PIP4K2B: variants seen among roughly 807,000 people sequenced by gnomAD.
PIP4K2B encodes phosphatidylinositol-5-phosphate 4-kinase type 2 beta, also known as phosphatidylinositol 5-phosphate 4-kinase type-2 beta.
PIP4K2B carries 3 observed loss-of-function variants against 42.0 expected under a neutral mutation model. The observed-to-expected ratio is 0.07, with a 90% CI of 0.03 to 0.18. PIP4K2B has a LOEUF of 0.18. PIP4K2B is among the 10% of genes least tolerant of loss of function. The probability of loss-of-function intolerance (pLI) is 1.00; values close to 1 mark genes in which losing one functional copy is unlikely to be tolerated. For synonymous variants in PIP4K2B, 204 were observed against 210.1 expected (o/e 0.97, Z 0.25); for missense variants, 332 against 562.3 (o/e 0.59, Z 4.14).
chr17:38,787,785 A>G (rs1910116176), intron 1 of PIP4K2B, among the ~76,000 whole-genome samples: 1 of 152,030 alleles, frequency 6.6e-6, no homozygotes, highest in Admixed American at 6.6e-5. Flanking sequence ...TTTAGTAGAG[A>G]CAGGGTTTCA....
intron 1 of PIP4K2B, among the ~76,000 whole-genome samples, chr17:38,798,853 C>A (rs1021717809): frequency 6.6e-6 from 1 of 152,234 alleles, no homozygotes; most frequent in Non-Finnish European, 1.5e-5. Context: ...GGGCAGACCA[C>A]TGCTACTTGA....
intron 1 of PIP4K2B, chr17:38,792,881 G>A (rs994501341): frequency 6.6e-6 from 1 of 152,124 alleles, no homozygotes; most frequent in African/African-American, 2.4e-5. Context: ...AGGTGGGAAG[G>A]CCTGCTAAAA....
intron 7 of PIP4K2B, among the ~76,000 whole-genome samples, chr17:38,775,246 C>A (rs368010345): frequency 6.3e-4 from 96 of 152,212 alleles, no homozygotes; most frequent in African/African-American, 2.2e-3. Flanking sequence ...AGCCACCGCG[C>A]CTAGCTTTTG....
chr17:38,788,653 T>G (rs1281131420), intron 1 of PIP4K2B, among the ~76,000 whole-genome samples: 1 of 151,948 alleles, frequency 6.6e-6, no homozygotes, highest in African/African-American at 2.4e-5. Context: ...GGCCAGGAGT[T>G]CTATACCACC....
rs1908890455 is a variant in PIP4K2B at position 38,769,528 on chromosome 17, TAA to T, written c.*161_*162del. On this transcript the variant is annotated 3_prime_UTR_variant, in exon 10 of 10. Coordinates refer to ENST00000619039, the MANE Select transcript of PIP4K2B (RefSeq NM_003559.5). ...ACAGCACATCCCCCTCCTCTTCAGC[TAA>T]AGTCTCTTTCGGTGTCACAGGCTGC... 2 of 670,322 alleles carry T rather than the reference TAA, an allele frequency of 3.0e-6. No homozygotes were observed. The highest frequency in any genetic ancestry group is 2.5e-5 in the East Asian group (1 of 39,678). The allele number at this position is 670,322 out of a possible 1,614,324, so 41.5% of individuals were successfully genotyped here.
chr17:38,783,748 A>AC, intron 3 of PIP4K2B, among the ~76,000 whole-genome samples: 1 of 152,154 alleles, frequency 6.6e-6, no homozygotes, highest in East Asian at 1.9e-4. Flanking sequence ...CTATAGGCGC[A>AC]CATCACCATG....
chr17:38,799,243 A>T lies in PIP4K2B; in HGVS notation c.159+23T>A, dbSNP rs1910824046. On this transcript the variant is annotated intron_variant, in intron 1 of 9. Transcript: ENST00000619039. The surrounding 1 kb of genome is among the most constrained non-coding windows in gnomAD (Gnocchi z 4.4). ...TGGGAGCGCGCGGGGCCGCGCTCAG[A>T]GGGGCGCGCAGGAGCTGGTTACCGT... 6.4e-7 allele frequency: 1 copy of T among 1,571,652 alleles called. No individual in the cohort carries two copies. Among genetic ancestry groups the T allele is most frequent in the Non-Finnish European group, 8.6e-7 (1 of 1,162,090 alleles).
chr17:38,774,417 G>A (rs931984873), intron 7 of PIP4K2B, among the ~76,000 whole-genome samples: 1 of 152,150 alleles, frequency 6.6e-6, no homozygotes, highest in Non-Finnish European at 1.5e-5. Context: ...CTGGGCCTCC[G>A]GCTTGCTGAC....
intron 1 of PIP4K2B, among the ~76,000 whole-genome samples, chr17:38,789,146 C>T (rs987996074): frequency 1.3e-5 from 2 of 152,088 alleles, no homozygotes; most frequent in African/African-American, 4.8e-5. Context: ...TAAAGCAGGG[C>T]CAGTTCCTGA....
intron 8 of PIP4K2B, 113 bp downstream of exon 8, chr17:38,770,901 A>C (rs1908987888): frequency 8.1e-7 from 1 of 1,236,304 alleles, no homozygotes; most frequent in Non-Finnish European, 1.1e-6. Context: ...AAGAGGTCAA[A>C]GGCAGCAATG....
At chr17:38,770,865 AC>A (rs1908986048) in intron 8 of PIP4K2B, 148 bp downstream of exon 8, 2 of 847,808 alleles carry the variant, frequency 2.4e-6, no homozygotes, top group South Asian at 3.5e-5. Flanking sequence ...TCAGGTGGTG[AC>A]CCTGGATGGG....
Position 38,768,015 on chromosome 17 carries a change from T to G in PIP4K2B, c.*1676A>C, listed in dbSNP as rs1908791789. ...ATGCCGTCTCCATTCTTTCCTGACC[T>G]ATATGCTGTGAGTCAGGCACAGAGA... On this transcript the variant is annotated 3_prime_UTR_variant, in exon 10 of 10. Coordinates refer to ENST00000619039, the MANE Select transcript of PIP4K2B (RefSeq NM_003559.5). The G allele has an allele frequency of 6.6e-6, 1 of 152,208 alleles. No homozygotes were observed. The highest frequency in any genetic ancestry group is 2.1e-4 in the South Asian group (1 of 4,832). The allele number at this position is 152,208 out of a possible 1,614,324, so 9.4% of individuals were successfully genotyped here. A position where few individuals can be genotyped will look rare whatever the true frequency, so the allele number is the denominator to read the frequency against.
chr17:38,799,428 CG>C lies in PIP4K2B; in HGVS notation c.-5del. On this transcript the variant is annotated 5_prime_UTR_variant, in exon 1 of 10. Coordinates refer to ENST00000619039, the MANE Select transcript of PIP4K2B (RefSeq NM_003559.5). This position sits in a 1 kb window ranked among gnomAD's most constrained non-coding sequence, Gnocchi z 4.4. ...TGCTGGTGCAGTTGGACGACATGCC[CG>C]GGGCGGCGGCGGCGGCGGCGAAAGA... 1 of 1,578,746 alleles carries C rather than the reference CG, an allele frequency of 6.3e-7. No individual in the cohort carries two copies.
In PIP4K2B at chr17:38,771,162, C is replaced by T. The variant is rs1403237852; in HGVS notation, c.918G>A (p.Glu306=). 5 of 1,614,164 alleles carry T rather than the reference C, an allele frequency of 3.1e-6. No homozygotes were observed. Among genetic ancestry groups the T allele is most frequent in the South Asian group, 2.2e-5 (2 of 91,084 alleles). Residue 306 remains glutamate, a synonymous_variant, in exon 8 of 10, where the codon GAG becomes GAA. Coordinates refer to ENST00000619039, the MANE Select transcript of PIP4K2B (RefSeq NM_003559.5). ...MEVEERAEDE[E]CENDGVGGNL... is the part of the protein sequence containing the mutation. ...TGCCACCCACCCCATCATTCTCACA[C>T]TCCTCGTCCTCTGCCCGCTCCTCCA... is the stretch of plus-strand genomic sequence containing the variant.
chr17:38,798,416 G>A (rs1350012770), intron 1 of PIP4K2B, among the ~76,000 whole-genome samples: 2 of 152,080 alleles, frequency 1.3e-5, no homozygotes, highest in Admixed American at 6.6e-5. Flanking sequence ...TCCTGGCAGG[G>A]GCTGTTGAAC....
At chr17:38,775,985 T>C in intron 7 of PIP4K2B, 2 of 445,438 alleles carry the variant, frequency 4.5e-6, no homozygotes, top group Non-Finnish European at 8.9e-6. Flanking sequence ...GCTTCCTTTT[T>C]TTTTTTTTAT....
At chr17:38,770,360 G>A in intron 9 of PIP4K2B, 76 bp downstream of exon 9, 1 of 830,144 alleles carries the variant, frequency 1.2e-6, no homozygotes, top group Non-Finnish European at 2.1e-6. Context: ...GCCTGAGACT[G>A]CCCTCCCTGG....
intron 1 of PIP4K2B, among the ~76,000 whole-genome samples, chr17:38,797,346 C>T (rs577791972): frequency 1.3e-5 from 2 of 152,300 alleles, no homozygotes; most frequent in East Asian, 3.9e-4. Flanking sequence ...CTCCCAGGAC[C>T]TGACATGCAT....
Position 38,769,785 on chromosome 17 carries a change from G to T in PIP4K2B, c.1171-14C>A. The T allele has an allele frequency of 6.2e-7, 1 of 1,612,446 alleles. No homozygotes were observed. The highest frequency in any genetic ancestry group is 8.5e-7 in the Non-Finnish European group (1 of 1,179,250). ...CTCGGCCCCTGCCTGTAATACACAA[G>T]AGGCTGATTCAGGTTGAGTTCCTGT... On this transcript the variant is annotated splice_polypyrimidine_tract_variant and intron_variant, in intron 9 of 9. Transcript: ENST00000619039.
Sources: gnomAD v4.1 joint callset for allele counts (sites outside exome capture counted in the v4.1 genomes callset) on GRCh38, gnomAD v4.1.1 for gene constraint, Gnocchi (gnomAD v3.1) non-coding constraint, MANE v1.5 for transcripts, NCBI Gene and HGNC (gene_info 2026-07-23, HGNC 2026-07-21) for gene names.